Variants in STX18 observed in about 807,000 individuals in gnomAD.
STX18 encodes the protein syntaxin 18.
STX18 carries 40 observed loss-of-function variants against 50.1 expected under a neutral mutation model. The observed-to-expected ratio is 0.80, with a 90% CI of 0.62 to 1.04. STX18 has a LOEUF of 1.04. Ranked by LOEUF, STX18 falls within the 50% of genes least tolerant of loss-of-function variation. The pLI, the probability that STX18 is intolerant of heterozygous loss-of-function variation, is 0.00. For synonymous variants in STX18, 158 were observed against 151.8 expected (o/e 1.04, Z -0.30); for missense variants, 410 against 415.8 (o/e 0.99, Z 0.12).
intron 1 of STX18, among the ~76,000 whole-genome samples, chr4:4,501,019 C>G (rs1178799873): frequency 2.0e-5 from 3 of 152,098 alleles, no homozygotes; most frequent in Admixed American, 6.6e-5. Flanking sequence ...CTGGGGCCAA[C>G]AACAGCAAGA....
At chr4:4,496,525 C>T (rs933291396) in intron 1 of STX18, among the ~76,000 whole-genome samples, 2 of 152,182 alleles carry the variant, frequency 1.3e-5, no homozygotes, top group African/African-American at 4.8e-5. Context: ...GCAGTCTCTA[C>T]CCTTTCTAAT....
intron 1 of STX18, among the ~76,000 whole-genome samples, chr4:4,495,945 AG>A (rs1419871805): frequency 1.3e-5 from 2 of 152,196 alleles, no homozygotes; most frequent in African/African-American, 2.4e-5. Context: ...AATACTGGGA[AG>A]GTGAATAAGA....
intron 1 of STX18, chr4:4,507,246 A>G: frequency 3.0e-6 from 2 of 669,388 alleles, no homozygotes; most frequent in Non-Finnish European, 5.7e-6. Flanking sequence ...CATACTTTAC[A>G]GTGTACTATA....
At chr4:4,439,823 C>T (rs1203317985) in intron 5 of STX18, among the ~76,000 whole-genome samples, 1 of 152,134 alleles carries the variant, frequency 6.6e-6, no homozygotes, top group Admixed American at 6.5e-5. Flanking sequence ...TCCTTCCCAT[C>T]TACAGGGCTC....
chr4:4,446,518 C>G (rs770928369), intron 5 of STX18, among the ~76,000 whole-genome samples: 1 of 152,186 alleles, frequency 6.6e-6, no homozygotes, highest in Non-Finnish European at 1.5e-5. Flanking sequence ...AGATACTTCA[C>G]AGGAAGAAAA....
intron 1 of STX18, among the ~76,000 whole-genome samples, chr4:4,509,051 T>A (rs1729871490): frequency 6.6e-6 from 1 of 152,224 alleles, no homozygotes; most frequent in Non-Finnish European, 1.5e-5. Flanking sequence ...TACAACAGAA[T>A]GATTTATATT....
chr4:4,427,240 A>C (rs2108775189), intron 7 of STX18, among the ~76,000 whole-genome samples: 1 of 152,312 alleles, frequency 6.6e-6, no homozygotes, highest in South Asian at 2.1e-4. Context: ...AAAACGGGGA[A>C]GGGGCAAAGC....
rs559475740 is a variant in STX18, at chr4:4,476,763, A to G, written c.169-5057T>C. On this transcript the variant is annotated intron_variant, in intron 1 of 10. Transcript: ENST00000306200. ...TACAATGCCCAGGATTTGCTTCACA[A>G]TAAGACAGGGGGAGGTAACAGATGC... is the stretch of plus-strand genomic sequence containing the variant. Among the ~76,000 whole-genome samples, 7 of 152,302 alleles carry G rather than the reference A, an allele frequency of 4.6e-5. No individual in the cohort carries two copies. In the South Asian group the frequency reaches 1.2e-3, roughly 27 times the overall value.
At chr4:4,434,742 T>C (rs1725687779) in intron 7 of STX18, 28 bp downstream of exon 7, 1 of 1,575,332 alleles carries the variant, frequency 6.3e-7, no homozygotes, top group Middle Eastern at 1.7e-4. Flanking sequence ...CAGTTAAAAA[T>C]AAATAATTAG....
chr4:4,453,686 A>T, intron 5 of STX18: 1 of 983,404 alleles, frequency 1.0e-6, no homozygotes, highest in South Asian at 4.7e-5. Context: ...GGGTAGAAAG[A>T]AGATATTTTT....
At chr4:4,455,397 T>C (rs1414068738) in intron 5 of STX18, among the ~76,000 whole-genome samples, 1 of 152,222 alleles carries the variant, frequency 6.6e-6, no homozygotes, top group South Asian at 2.1e-4. Flanking sequence ...AATGCTTCTA[T>C]TTGTTGGCAT....
At chr4:4,468,770 C>A (rs998374315) in intron 2 of STX18, among the ~76,000 whole-genome samples, 1 of 152,106 alleles carries the variant, frequency 6.6e-6, no homozygotes, top group Non-Finnish European at 1.5e-5. Flanking sequence ...AATTTCACCC[C>A]TAGGTATTTA....
intron 1 of STX18, among the ~76,000 whole-genome samples, chr4:4,487,910 T>C (rs1728768571): frequency 6.6e-6 from 1 of 152,166 alleles, no homozygotes; most frequent in East Asian, 1.9e-4. Flanking sequence ...TCAACAAATG[T>C]CTAGGAACAT....
At position 4,420,656 on chromosome 4, in the gene STX18, A is replaced by C; in HGVS notation, c.912+208T>G. The C allele has an allele frequency of 1.8e-6, 1 of 569,924 alleles. No homozygotes were observed. Among genetic ancestry groups the C allele is most frequent in the East Asian group, 3.0e-5 (1 of 33,470 alleles). The allele number at this position is 569,924 out of a possible 1,614,324, so 35.3% of individuals were successfully genotyped here. A position where few individuals can be genotyped will look rare whatever the true frequency, so the allele number is the denominator to read the frequency against. ...TGGATTGCTCCTTTGGAGGCTGGTG[A>C]GCCACTGCCTCTCGAAAGCAGCTGG... On this transcript the variant is annotated intron_variant, in intron 10 of 10. Coordinates refer to ENST00000306200, the MANE Select transcript of STX18 (RefSeq NM_016930.4). This position sits in a 1 kb window ranked among gnomAD's most constrained non-coding sequence, Gnocchi z 4.3.
At chr4:4,452,874 G>A (rs962254904) in intron 5 of STX18, among the ~76,000 whole-genome samples, 2 of 152,194 alleles carry the variant, frequency 1.3e-5, no homozygotes, top group African/African-American at 4.8e-5. Flanking sequence ...ACAGGAGTTT[G>A]GAAGAAGTGG....
At chr4:4,536,078 T>C (rs951359031) in intron 1 of STX18, among the ~76,000 whole-genome samples, 8 of 152,200 alleles carry the variant, frequency 5.3e-5, no homozygotes, top group African/African-American at 1.9e-4. Flanking sequence ...TGTAAATGTG[T>C]TGAGGGAGGA....
At chr4:4,507,986 C>T (rs1164868901) in intron 1 of STX18, among the ~76,000 whole-genome samples, 1 of 152,180 alleles carries the variant, frequency 6.6e-6, no homozygotes, top group Non-Finnish European at 1.5e-5. Flanking sequence ...ATGACCTTGG[C>T]TATCCTAACA....
chr4:4,471,516 A>T (rs1727918550), intron 2 of STX18, 123 bp downstream of exon 2: 2 of 600,680 alleles, frequency 3.3e-6, no homozygotes, highest in African/African-American at 3.8e-5. Flanking sequence ...CCACTGCCAA[A>T]CTGGTCTTCC....
At chr4:4,501,034 A>G (rs2369118) in intron 1 of STX18, among the ~76,000 whole-genome samples, 98,108 of 152,122 alleles carry the variant, frequency 0.64, 33,811 homozygotes, top group African/African-American at 0.9. Context: ...GCAAGACTCC[A>G]TATCAAAAAA....
Sources: allele counts gnomAD v4.1 joint callset (sites outside exome capture counted in the v4.1 genomes callset), GRCh38; gene constraint gnomAD v4.1.1; non-coding constraint Gnocchi (gnomAD v3.1); transcripts MANE v1.5; gene names NCBI Gene and HGNC (gene_info 2026-07-23, HGNC 2026-07-21).